The following BCAS3 variants were observed in gnomAD, a reference collection of about 807,000 sequenced individuals.
BCAS3 encodes BCAS4/BCAS3 fusion.
BCAS3 carries 53 observed loss-of-function variants against 116.1 expected under a neutral mutation model. The ratio of observed to expected loss-of-function variants is 0.46; its 90% CI spans 0.37 to 0.57. The LOEUF (loss-of-function observed/expected upper bound fraction) is 0.57, where lower values mean the gene tolerates loss of function less well. Among genes scored for constraint, BCAS3 ranks in the 20% least tolerant of loss-of-function variants. The pLI, the probability that BCAS3 is intolerant of heterozygous loss-of-function variation, is 0.00. For missense variants in BCAS3, 917 were observed against 1,165.4 expected, an observed-to-expected ratio of 0.79 and a Z score of 3.10; for synonymous variants, 391 against 408.2, an observed-to-expected ratio of 0.96 and a Z score of 0.51.
intron 6 of BCAS3, among the ~76,000 whole-genome samples, chr17:60,802,371 C>CATATATATATATATATATATATATAT (rs533515914): frequency 1.8e-4 from 20 of 111,936 alleles, no homozygotes; most frequent in African/African-American, 7.5e-4. Context: ...TACATACATA[C>CATATATATATATATATATATATATAT]ATATATATAT....
At chr17:60,819,592 A>G (rs1222960228) in intron 7 of BCAS3, among the ~76,000 whole-genome samples, 1 of 152,180 alleles carries the variant, frequency 6.6e-6, no homozygotes, top group Admixed American at 6.5e-5. Context: ...TGATATGTGT[A>G]TTCCTGAAAA....
At chr17:60,878,305 C>T (rs1170624185) in intron 9 of BCAS3, among the ~76,000 whole-genome samples, 3 of 151,984 alleles carry the variant, frequency 2.0e-5, no homozygotes, top group Non-Finnish European at 4.4e-5. Flanking sequence ...CCTCCATGCC[C>T]GGCCAGTAAT....
At chr17:61,048,911 T>G (rs1347256331) in intron 19 of BCAS3, among the ~76,000 whole-genome samples, 1 of 151,954 alleles carries the variant, frequency 6.6e-6, no homozygotes, top group Non-Finnish European at 1.5e-5. Context: ...ATTCCATATG[T>G]TCAAAAAGTT....
intron 22 of BCAS3, among the ~76,000 whole-genome samples, chr17:61,338,888 GAAAAA>G (rs57701817): frequency 7.4e-5 from 5 of 67,278 alleles, no homozygotes; most frequent in East Asian, 8.5e-4. Flanking sequence ...CCCTTACTGG[GAAAAA>G]AAAAAAAAAA....
At chr17:61,270,143 G>T (rs143513688) in intron 22 of BCAS3, among the ~76,000 whole-genome samples, 3 of 117,204 alleles carry the variant, frequency 2.6e-5, no homozygotes, top group African/African-American at 9.7e-5. Context: ...TTTTTGAGAC[G>T]GAGTCTGGCT....
Position 61,256,098 on chromosome 17 carries a change from G to A in BCAS3, c.2426-112229G>A, listed in dbSNP as rs2048757700. ...TTTCCAGCCTCCATCAGCCTCTACT[G>A]GTAATCAGGAGAAATGGGCCAATGG... On this transcript the variant is annotated intron_variant, in intron 22 of 23. Transcript: ENST00000407086. The surrounding 1 kb of genome is among the most constrained non-coding windows in gnomAD (Gnocchi z 5.6). Among the ~76,000 whole-genome samples the A allele has an allele frequency of 6.6e-6, 1 of 152,032 alleles. No individual in the cohort carries two copies. The highest frequency in any genetic ancestry group is 2.4e-5 in the African/African-American group (1 of 41,386).
At chr17:60,687,167 G>T (rs1483054681) in intron 3 of BCAS3, among the ~76,000 whole-genome samples, 1 of 152,140 alleles carries the variant, frequency 6.6e-6, no homozygotes. Flanking sequence ...AAATATAAAA[G>T]AAGTAAATAA....
intron 12 of BCAS3, among the ~76,000 whole-genome samples, chr17:60,921,728 T>C (rs1212918888): frequency 2.6e-5 from 4 of 151,688 alleles, no homozygotes; most frequent in African/African-American, 9.7e-5. Flanking sequence ...TATGGGTTCC[T>C]ATTGGGTACT....
At chr17:60,737,356 G>T (rs953808444) in intron 5 of BCAS3, among the ~76,000 whole-genome samples, 1 of 152,044 alleles carries the variant, frequency 6.6e-6, no homozygotes, top group African/African-American at 2.4e-5. Context: ...TGGTTTCATT[G>T]ATCTTCTCTA....
intron 12 of BCAS3, among the ~76,000 whole-genome samples, chr17:60,916,945 G>A (rs2058809678): frequency 6.6e-6 from 1 of 152,134 alleles, no homozygotes; most frequent in Non-Finnish European, 1.5e-5. Flanking sequence ...CAGAAATTGG[G>A]ACCCTTCTAA....
intron 22 of BCAS3, among the ~76,000 whole-genome samples, chr17:61,092,697 A>G (rs2073674541): frequency 6.6e-6 from 1 of 152,000 alleles, no homozygotes; most frequent in Non-Finnish European, 1.5e-5. Flanking sequence ...TTTTTATTAG[A>G]TATGTTGTCT....
rs1349945279 is a variant in BCAS3, at chr17:61,243,332, TC to T, written c.2426-124993del. On this transcript the variant is annotated intron_variant, in intron 22 of 23. Coordinates refer to ENST00000407086, the MANE Select transcript of BCAS3 (RefSeq NM_017679.5). This position sits in a 1 kb window ranked among gnomAD's most constrained non-coding sequence, Gnocchi z 5.6. ...TTTCTTATTTAAAGCTGAGTAATAT[TC>T]CATTGTGTCTATATACTATATTTTC... Among the ~76,000 whole-genome samples, 3 of 152,342 alleles carry T rather than the reference TC, an allele frequency of 2.0e-5. No homozygotes were observed. Among genetic ancestry groups the T allele is most frequent in the African/African-American group, 7.2e-5 (3 of 41,572 alleles).
At chr17:60,928,547 A>G (rs999897635) in intron 13 of BCAS3, among the ~76,000 whole-genome samples, 24 of 152,220 alleles carry the variant, frequency 1.6e-4, no homozygotes, top group African/African-American at 5.8e-4. Context: ...CCACTCATAC[A>G]GTTGGTTTGC....
rs2051701725 is a variant in BCAS3, at chr17:61,285,668, T to C, written c.2426-82659T>C. Among the ~76,000 whole-genome samples the C allele has an allele frequency of 1.3e-5, 2 of 152,216 alleles. No individual in the cohort carries two copies. The highest frequency in any genetic ancestry group is 4.8e-5 in the African/African-American group (2 of 41,454). Reference sequence around the variant, plus strand: ...AAATTAGAATCACACTTCACTCCAGTGTGATTTACATTCCTAAGCCCTTTT... The same window carrying C: ...AAATTAGAATCACACTTCACTCCAGCGTGATTTACATTCCTAAGCCCTTTT... On this transcript the variant is annotated intron_variant, in intron 22 of 23. Transcript: ENST00000407086. This position sits in a 1 kb window ranked among gnomAD's most constrained non-coding sequence, Gnocchi z 5.4.
chr17:61,296,103 A>G (rs2052879288), intron 22 of BCAS3, among the ~76,000 whole-genome samples: 1 of 152,250 alleles, frequency 6.6e-6, no homozygotes, highest in Non-Finnish European at 1.5e-5. Flanking sequence ...AGTGATATTT[A>G]GAAAAATATT....
intron 22 of BCAS3, among the ~76,000 whole-genome samples, chr17:61,100,097 A>T (rs1213872035): frequency 6.6e-6 from 1 of 152,188 alleles, no homozygotes; most frequent in Non-Finnish European, 1.5e-5. Flanking sequence ...TTATTATATA[A>T]ATGTTCAATG....
intron 7 of BCAS3, among the ~76,000 whole-genome samples, chr17:60,837,652 CT>C (rs371521233): frequency 0.17 from 23,054 of 136,790 alleles, 1,816 homozygotes; most frequent in African/African-American, 0.25. Flanking sequence ...TTTCACAATA[CT>C]TTTTTTTTTT....
chr17:60,762,217 G>A (rs111423535), intron 6 of BCAS3, among the ~76,000 whole-genome samples: 41,678 of 152,048 alleles, frequency 0.27, 11,416 homozygotes, highest in African/African-American at 0.71. Context: ...GGTCCCATTA[G>A]TCAATTTTGG....
intron 5 of BCAS3, chr17:60,727,256 C>T (rs1221813034): frequency 9.8e-7 from 1 of 1,019,152 alleles, no homozygotes; most frequent in Non-Finnish European, 1.6e-6. Context: ...CTTGGATCTG[C>T]AGTTAGGCTC....
Sources: gnomAD v4.1 joint callset for allele counts (sites outside exome capture counted in the v4.1 genomes callset) on GRCh38, gnomAD v4.1.1 for gene constraint, Gnocchi (gnomAD v3.1) non-coding constraint, MANE v1.5 for transcripts, NCBI Gene and HGNC (gene_info 2026-07-23, HGNC 2026-07-21) for gene names.